The following ANK3 variants were observed in gnomAD, a reference collection of about 807,000 sequenced individuals.
ANK3 encodes the protein ankyrin 3, also known as ankyrin-3.
In ANK3, 57 loss-of-function variants were observed where a neutral mutation model predicts 370.9. The observed-to-expected ratio is 0.15, with a 90% CI of 0.12 to 0.19. The LOEUF is 0.19. Among genes scored for constraint, ANK3 ranks in the 10% least tolerant of loss-of-function variants. ANK3 has a pLI of 1.00. For synonymous variants in ANK3, 1,929 were observed against 1,946.3 expected (o/e 0.99, Z 0.23); for missense variants, 4,439 against 5,302.1 (o/e 0.84, Z 5.06).
Position 60,027,418 on chromosome 10 carries a change from C to G in ANK3, c.*2428G>C, listed in dbSNP as rs1043225432. ...ATACCATGCAGATGCAACCTAGCCCCATTCTTTATGCAAAGTAGATTATCC... is the reference window on the plus strand; with the variant it reads ...ATACCATGCAGATGCAACCTAGCCCGATTCTTTATGCAAAGTAGATTATCC... On this transcript the variant is annotated 3_prime_UTR_variant, in exon 44 of 44. Coordinates refer to ENST00000280772, the MANE Select transcript of ANK3 (RefSeq NM_020987.5). 1 of 151,828 alleles carries G rather than the reference C, an allele frequency of 6.6e-6. No homozygotes were observed. Among genetic ancestry groups the G allele is most frequent in the Admixed American group, 6.6e-5 (1 of 15,222 alleles). 9.4% of individuals were successfully genotyped at this position (151,828 alleles called of 1,614,324 possible).
rs142825560 is a variant in ANK3 at position 60,138,981 on chromosome 10, G to A, written c.2721C>T (p.Leu907=). 183 of 1,613,810 alleles carry A rather than the reference G, an allele frequency of 1.1e-4. No individual in the cohort carries two copies. The highest frequency in any genetic ancestry group is 1.5e-4 in the Non-Finnish European group (175 of 1,179,884). ...LPAEGYMGFS[L]GARSASLRSF... The stretch of plus-strand genomic sequence containing the variant: ...CGAAGTACCTGGCAGAACGCGCTCC[G>A]AGACTAAAGCCCATGTAACCCTCTG... Residue 907 remains leucine (L), a synonymous_variant, in exon 24 of 44, where the codon CTC becomes CTT. Coordinates refer to ENST00000280772, the MANE Select transcript of ANK3 (RefSeq NM_020987.5).
intron 28 of ANK3, among the ~76,000 whole-genome samples, chr10:60,094,467 C>G (rs1164800042): frequency 6.6e-6 from 1 of 152,062 alleles, no homozygotes; most frequent in Non-Finnish European, 1.5e-5. Context: ...GGATTACAGG[C>G]ATGACCCGTG....
chr10:60,470,082 A>G (rs1309205454), intron 2 of ANK3, among the ~76,000 whole-genome samples: 3 of 152,136 alleles, frequency 2.0e-5, no homozygotes, highest in African/African-American at 7.2e-5. Context: ...AATATTTACA[A>G]TAATCTTCCG....
At chr10:60,205,952 G>A in intron 10 of ANK3, 62 bp from the exon 11 acceptor site, 1 of 1,079,424 alleles carries the variant, frequency 9.3e-7, no homozygotes, top group Non-Finnish European at 1.4e-6. Flanking sequence ...GTTTCACTGT[G>A]TGCAGTAAAT....
intron 2 of ANK3, among the ~76,000 whole-genome samples, chr10:60,468,995 G>GTACATATA (rs1464396090): frequency 5.8e-5 from 2 of 34,556 alleles, no homozygotes; most frequent in African/African-American, 2.2e-4. Context: ...CACTTTTAGT[G>GTACATATA]TGTATATATA....
Position 60,069,339 on chromosome 10 carries a change from C to T in ANK3, c.11542G>A (p.Gly3848Arg). 6.2e-7 allele frequency: 1 copy of T among 1,614,022 alleles called. No individual in the cohort carries two copies. The highest frequency in any genetic ancestry group is 8.5e-7 in the Non-Finnish European group (1 of 1,179,990). ...HCVRDKQKVL[G>R]EQQKTKELIG... Reference sequence around the variant, plus strand: ...AATTCCTTTGTTTTTTGCTGTTCTCCAAGAACTTTCTGCTTATCTCTTACA... The same window carrying T: ...AATTCCTTTGTTTTTTGCTGTTCTCTAAGAACTTTCTGCTTATCTCTTACA... The change falls in exon 37 of 44, where the codon GGA becomes AGA. Residue 3848 changes from glycine (G) to arginine (R), a missense_variant. Transcript: ENST00000280772.
intron 2 of ANK3, among the ~76,000 whole-genome samples, chr10:60,405,448 C>T (rs1369223526): frequency 6.6e-6 from 1 of 152,036 alleles, no homozygotes; most frequent in Non-Finnish European, 1.5e-5. Flanking sequence ...CAAAACTAAT[C>T]TATAGTGAAA....
chr10:60,721,923 A>G (rs1447543428), intron 1 of ANK3, among the ~76,000 whole-genome samples: 2 of 152,112 alleles, frequency 1.3e-5, no homozygotes, highest in African/African-American at 4.8e-5. Context: ...TTGGGAGGAA[A>G]CTCTGCAGAA....
chr10:60,216,443 A>C lies in ANK3; in HGVS notation c.898-2933T>G, dbSNP rs149669538. Among the ~76,000 whole-genome samples the C allele has an allele frequency of 1.1e-4, 16 of 152,284 alleles. No individual in the cohort carries two copies. In the East Asian group the frequency reaches 3.1e-3, roughly 29 times the overall value. On this transcript the variant is annotated intron_variant, in intron 8 of 43. Transcript: ENST00000280772. ...TATCATTTTGAGATATGTTCCATCA[A>C]TCCCTAGTTTGTTGAGAGTTTTTAA...
chr10:60,386,459 A>G (rs2062336219), intron 1 of ANK3, among the ~76,000 whole-genome samples: 1 of 151,882 alleles, frequency 6.6e-6, no homozygotes, highest in African/African-American at 2.4e-5. Flanking sequence ...TTTTCTTAAC[A>G]CTACTTAAGT....
At chr10:60,259,768 C>T (rs1199506701) in intron 7 of ANK3, among the ~76,000 whole-genome samples, 2 of 152,098 alleles carry the variant, frequency 1.3e-5, no homozygotes, top group African/African-American at 2.4e-5. Context: ...TCTGAATGTC[C>T]TAATTAGAAG....
At chr10:60,430,112 A>T (rs1193022490) in intron 2 of ANK3, among the ~76,000 whole-genome samples, 1 of 152,236 alleles carries the variant, frequency 6.6e-6, no homozygotes, top group African/African-American at 2.4e-5. Context: ...TATAATGATC[A>T]TTTCAGAGTC....
intron 1 of ANK3, among the ~76,000 whole-genome samples, chr10:60,357,223 C>G (rs1361008862): frequency 6.6e-6 from 1 of 152,194 alleles, no homozygotes; most frequent in African/African-American, 2.4e-5. Flanking sequence ...CTCCAATCCA[C>G]TTCAGCCATA....
At chr10:60,304,527 C>G (rs2044555001) in intron 1 of ANK3, among the ~76,000 whole-genome samples, 1 of 151,956 alleles carries the variant, frequency 6.6e-6, no homozygotes, top group African/African-American at 2.4e-5. Context: ...CTTGTAATCC[C>G]AGCTACTCAG....
At chr10:60,674,505 A>T (rs540159029) in intron 1 of ANK3, among the ~76,000 whole-genome samples, 1 of 152,238 alleles carries the variant, frequency 6.6e-6, no homozygotes, top group South Asian at 2.1e-4. Context: ...TAACTCATTC[A>T]TTACCATGGG....
chr10:60,118,332 C>T (rs1289384634), intron 25 of ANK3, among the ~76,000 whole-genome samples: 1 of 152,164 alleles, frequency 6.6e-6, no homozygotes, highest in East Asian at 1.9e-4. Flanking sequence ...CAATTACATG[C>T]AAGTCACTAT....
At chr10:60,716,017 C>G (rs2079782584) in intron 1 of ANK3, among the ~76,000 whole-genome samples, 1 of 152,164 alleles carries the variant, frequency 6.6e-6, no homozygotes, top group African/African-American at 2.4e-5. Context: ...ATGTCATGCT[C>G]TCATCTGAAA....
At chr10:60,618,404 C>G (rs2078292467) in intron 1 of ANK3, among the ~76,000 whole-genome samples, 1 of 152,088 alleles carries the variant, frequency 6.6e-6, no homozygotes, top group Admixed American at 6.6e-5. Context: ...TAATATTCAT[C>G]AATATTTCTA....
chr10:60,269,509 G>A (rs1415755689), intron 5 of ANK3, among the ~76,000 whole-genome samples: 2 of 151,964 alleles, frequency 1.3e-5, no homozygotes, highest in Non-Finnish European at 2.9e-5. Flanking sequence ...CCATGTGTGG[G>A]TGGTGGGCAC....
Sources: allele counts gnomAD v4.1 joint callset (sites outside exome capture counted in the v4.1 genomes callset), GRCh38; gene constraint gnomAD v4.1.1; transcripts MANE v1.5; gene names NCBI Gene and HGNC (gene_info 2026-07-23, HGNC 2026-07-21).